The following MUC5AC variants were observed in gnomAD, a reference collection of about 807,000 sequenced individuals.
MUC5AC encodes mucin-5AC.
MUC5AC carries 158 observed loss-of-function variants against 169.7 expected under a neutral mutation model. The observed-to-expected ratio is 0.93, with a 90% CI of 0.82 to 1.06. The LOEUF (loss-of-function observed/expected upper bound fraction) is 1.06, where lower values mean the gene tolerates loss of function less well. Ranked by LOEUF, MUC5AC falls within the 50% of genes least tolerant of loss-of-function variation. The pLI, the probability that MUC5AC is intolerant of heterozygous loss-of-function variation, is 0.00. For synonymous variants in MUC5AC, 1,975 were observed against 1,237.0 expected (o/e 1.60, Z -12.52); for missense variants, 4,359 against 3,089.9 (o/e 1.41, Z -9.74).
intron 11 of MUC5AC, among the ~76,000 whole-genome samples, chr11:1,166,031 C>A (rs372548242): frequency 2.0e-5 from 3 of 152,166 alleles, no homozygotes; most frequent in Non-Finnish European, 4.4e-5. Flanking sequence ...ATTTAACAGA[C>A]TTTACTCTTG....
At position 1,194,286 on chromosome 11, in the gene MUC5AC, T is replaced by G. The variant is rs759720482; in HGVS notation, c.14932T>G (p.Ser4978Ala). The change falls in exon 34 of 49, where the codon TCC becomes GCC. Residue 4978 changes from serine (S) to alanine (A), a missense_variant. Physicochemically the swap from Ser to Ala is moderately conservative, Grantham distance 99. Coordinates refer to ENST00000621226, the MANE Select transcript of MUC5AC (RefSeq NM_001304359.2). ...GAEDGLSCPR[S>A]IILEYHQDRV... ...GGAGGACGGGCTCTCCTGCCCGAGG[T>G]CCATCATCCTGGAGTACCACCAGGA... 1.3e-6 allele frequency: 1 copy of G among 760,728 alleles called. No homozygotes were observed. Among genetic ancestry groups the G allele is most frequent in the South Asian group, 1.4e-5 (1 of 73,722 alleles). The allele number at this position is 760,728 out of a possible 1,614,324, so 47.1% of individuals were successfully genotyped here.
In MUC5AC at chr11:1,161,598, C is replaced by T. The variant is rs748167070; in HGVS notation, c.211+12C>T. ...CCCTGTGGTACGAGGTGAGTGGAGCCCGGAGGCCTGGGTGGGGAAGGGTCA... is the reference window on the plus strand; with the variant it reads ...CCCTGTGGTACGAGGTGAGTGGAGCTCGGAGGCCTGGGTGGGGAAGGGTCA... On this transcript the variant is annotated intron_variant, in intron 3 of 48. Transcript: ENST00000621226. The T allele has an allele frequency of 6.2e-7, 1 of 1,607,400 alleles. No individual in the cohort carries two copies. The highest frequency in any genetic ancestry group is 8.5e-7 in the Non-Finnish European group (1 of 1,176,610).
rs1363603142 is a variant in MUC5AC at position 1,189,909 on chromosome 11, G to A, written c.11764G>A (p.Val3922Ile). 8 of 764,922 alleles carry A rather than the reference G, an allele frequency of 1.0e-5. No homozygotes were observed. Among genetic ancestry groups the A allele is most frequent in the African/African-American group, 3.4e-5 (2 of 59,086 alleles). 47.4% of individuals were successfully genotyped at this position (764,922 alleles called of 1,614,324 possible). A position where few individuals can be genotyped will look rare whatever the true frequency, so the allele number is the denominator to read the frequency against. ...TSGSGTTPSP[V>I]PTTSTASVSK... ...CGGTTCTGGAACTACTCCCAGCCCC[G>A]TTCCCACCACCAGCACAGCCTCTGT... The change falls in exon 31 of 49, where the codon GTT (valine) becomes ATT (isoleucine). Residue 3922 changes from valine (V) to isoleucine (I), a missense_variant. Physicochemically the swap from Val to Ile is conservative, Grantham distance 29. Transcript: ENST00000621226.
In MUC5AC at chr11:1,183,673, C is replaced by A; in HGVS notation, c.5528C>A (p.Thr1843Asn). The change falls in exon 31 of 49, where the codon ACC becomes AAC. Residue 1843 changes from threonine (T) to asparagine (N), a missense_variant. Physicochemically the swap from Thr to Asn is moderately conservative, Grantham distance 65. Coordinates refer to ENST00000621226, the MANE Select transcript of MUC5AC (RefSeq NM_001304359.2). Reference protein sequence around the residue: ...NYEVRVLCCETPRGCHMTSTP... With the variant: ...NYEVRVLCCENPRGCHMTSTP... The stretch of plus-strand genomic sequence containing the variant: ...GAGGTGCGTGTGCTCTGCTGCGAGA[C>A]CCCCAGAGGCTGCCACATGACCTCC... The A allele has an allele frequency of 3.2e-6, 2 of 634,640 alleles. No homozygotes were observed. Among genetic ancestry groups the A allele is most frequent in the African/African-American group, 1.9e-5 (1 of 53,902 alleles). 39.3% of individuals were successfully genotyped at this position (634,640 alleles called of 1,614,324 possible).
chr11:1,175,607 C>T (rs1417999032), intron 19 of MUC5AC, among the ~76,000 whole-genome samples: 1 of 101,508 alleles, frequency 9.9e-6, no homozygotes, highest in Non-Finnish European at 2.1e-5. Flanking sequence ...GCATTCACAC[C>T]CTCATGCACA....
chr11:1,168,451 C>T, intron 12 of MUC5AC, 32 bp from the exon 13 acceptor site: 2 of 1,606,720 alleles, frequency 1.2e-6, no homozygotes, highest in Non-Finnish European at 1.7e-6. Context: ...CAAGCCTGCC[C>T]CGCGCTCACA....
intron 3 of MUC5AC, 134 bp from the exon 4 acceptor site, chr11:1,161,773 C>A: frequency 7.2e-7 from 1 of 1,381,710 alleles, no homozygotes; most frequent in East Asian, 2.5e-5. Context: ...AGGAAGGACC[C>A]CTGGGTGCCC....
Position 1,195,860 on chromosome 11 carries a change from C to T in MUC5AC, c.15459-16C>T. The T allele has an allele frequency of 1.3e-6, 1 of 760,470 alleles. No homozygotes were observed. Among genetic ancestry groups the T allele is most frequent in the Non-Finnish European group, 2.4e-6 (1 of 414,834 alleles). The allele number at this position is 760,470 out of a possible 1,614,324, so 47.1% of individuals were successfully genotyped here. A position where few individuals can be genotyped will look rare whatever the true frequency, so the allele number is the denominator to read the frequency against. On this transcript the variant is annotated splice_polypyrimidine_tract_variant and intron_variant, in intron 36 of 48. Transcript: ENST00000621226. ...CGGAGAGGCTGCACCCAGCACCCTG[C>T]CCATCCCTCCCACAGGGTCTTTGAG... is the stretch of plus-strand genomic sequence containing the variant.
At chr11:1,176,429 T>A (rs1165685251) in intron 20 of MUC5AC, 85 bp from the exon 21 acceptor site, 2 of 398,742 alleles carry the variant, frequency 5.0e-6, no homozygotes, top group African/African-American at 4.1e-5. Context: ...GTCCCTCCAC[T>A]GTGGTGTGGG....
rs1274402216 is a variant in MUC5AC at position 1,192,103 on chromosome 11, C to A, written c.13958C>A (p.Thr4653Asn). ...SPGPHGGDKE[T>N]YNNIIRSGEK... ...GGACCCCACGGCGGGGACAAGGAAACCTACAACAACATCATCAGGAGTGGG... is the reference window on the plus strand; with the variant it reads ...GGACCCCACGGCGGGGACAAGGAAAACTACAACAACATCATCAGGAGTGGG... Residue 4653 changes from threonine (T) to asparagine (N), a missense_variant, in exon 31 of 49, where the codon ACC becomes AAC. Coordinates refer to ENST00000621226, the MANE Select transcript of MUC5AC (RefSeq NM_001304359.2). 3.9e-6 allele frequency: 3 copies of A among 765,094 alleles called. No homozygotes were observed. The highest frequency in any genetic ancestry group is 2.4e-6 in the Non-Finnish European group (1 of 417,898). 47.4% of individuals were successfully genotyped at this position (765,094 alleles called of 1,614,324 possible).
At chr11:1,173,376 TTCAC>T (rs1290961627) in intron 16 of MUC5AC, among the ~76,000 whole-genome samples, 5 of 149,798 alleles carry the variant, frequency 3.3e-5, no homozygotes, top group East Asian at 2.0e-4. Context: ...CATTCATTCC[TTCAC>T]TCACTCATTC....
At position 1,189,973 on chromosome 11, in the gene MUC5AC, C is replaced by A. The variant is rs1204498145; in HGVS notation, c.11828C>A (p.Thr3943Lys). The change falls in exon 31 of 49, where the codon ACA becomes AAA. Residue 3943 changes from threonine (T) to lysine (K), a missense_variant. Transcript: ENST00000621226. ...ACAAGCCATGTTTCTGTATCCAAGA[C>A]AACCCACTCCCAACCAGTCACCAGA... ...TSTSHVSVSK[T>K]THSQPVTRDC... is the part of the protein sequence containing the mutation. 5 of 765,058 alleles carry A rather than the reference C, an allele frequency of 6.5e-6. No individual in the cohort carries two copies. Among genetic ancestry groups the A allele is most frequent in the Non-Finnish European group, 1.2e-5 (5 of 417,900 alleles). 47.4% of individuals were successfully genotyped at this position (765,058 alleles called of 1,614,324 possible).
In MUC5AC at chr11:1,189,477, G is replaced by A. The variant is rs1861032542; in HGVS notation, c.11332G>A (p.Ala3778Thr). 1.8e-6 allele frequency: 1 copy of A among 557,708 alleles called. No homozygotes were observed. The highest frequency in any genetic ancestry group is 3.2e-6 in the Non-Finnish European group (1 of 317,148). The allele number at this position is 557,708 out of a possible 1,614,324, so 34.5% of individuals were successfully genotyped here. A position where few individuals can be genotyped will look rare whatever the true frequency, so the allele number is the denominator to read the frequency against. Residue 3778 changes from alanine to threonine, a missense_variant, in exon 31 of 49, where the codon GCC becomes ACC. Ala to Thr is a moderately conservative substitution (Grantham distance 58, BLOSUM62 0). Transcript: ENST00000621226. ...SSAPTTNTTS[A>T]PTTSTTSAPI... ...GGCTCCTACAACCAACACAACCTCT[G>A]CCCCTACAACTAGCACTACCTCTGC...
chr11:1,170,410 TACTCACCC>T (rs1311467069), intron 15 of MUC5AC, among the ~76,000 whole-genome samples: 1 of 44,676 alleles, frequency 2.2e-5, no homozygotes, highest in Non-Finnish European at 4.4e-5. Flanking sequence ...CCCACTCACC[TACTCACCC>T]ACTCACCCAT....
Position 1,192,954 on chromosome 11 carries a change from G to A in MUC5AC, c.14552G>A (p.Gly4851Glu). 2.7e-6 allele frequency: 2 copies of A among 740,492 alleles called. No homozygotes were observed. The highest frequency in any genetic ancestry group is 4.9e-6 in the Non-Finnish European group (2 of 404,112). 45.9% of individuals were successfully genotyped at this position (740,492 alleles called of 1,614,324 possible). A position where few individuals can be genotyped will look rare whatever the true frequency, so the allele number is the denominator to read the frequency against. Residue 4851 changes from glycine to glutamate, a missense_variant, in exon 32 of 49, where the codon GGA becomes GAA. By Grantham distance (98) the Gly-to-Glu change is moderately conservative. Coordinates refer to ENST00000621226, the MANE Select transcript of MUC5AC (RefSeq NM_001304359.2). ...ISTSEPVTEL[G>E]CPNAVPPRKK... ...ACCTCCGAGCCCGTCACTGAGCTGG[G>A]ATGCCCAAATGCGGTTCCCCCCAGA...
Position 1,164,525 on chromosome 11 carries a change from C to T in MUC5AC, c.1122C>T (p.Cys374=). The T allele has an allele frequency of 1.9e-6, 3 of 1,609,418 alleles. No homozygotes were observed. The South Asian group carries it at 3.3e-5, about 18-fold the overall frequency. ...CEDHCVAGCF[C]PEGTVLDDIG... Reference sequence around the variant, plus strand: ...ACCACTGTGTGGCCGGCTGCTTCTGCCCTGAGGGTGAGGCTCCCCCGCCCC... The same window carrying T: ...ACCACTGTGTGGCCGGCTGCTTCTGTCCTGAGGGTGAGGCTCCCCCGCCCC... Residue 374 remains cysteine, a synonymous_variant, in exon 9 of 49, where the codon TGC becomes TGT. Transcript: ENST00000621226.
chr11:1,163,853 G>A, intron 6 of MUC5AC, 29 bp from the exon 7 acceptor site: 1 of 1,546,830 alleles, frequency 6.5e-7, no homozygotes, highest in South Asian at 1.2e-5. Context: ...GGGACCTGCA[G>A]GCAGAGCCCG....
At position 1,168,662 on chromosome 11, in the gene MUC5AC, CCCT is replaced by C; in HGVS notation, c.1590_1592del (p.Ser531del). ...CCCAGCCAACGTCACCATCTTCAGA[CCCT>C]CAACCTTCTTCATCATCGCCCAGAC... On this transcript the variant is annotated inframe_deletion, in exon 14 of 49. Transcript: ENST00000621226. The C allele has an allele frequency of 6.2e-7, 1 of 1,610,702 alleles. No homozygotes were observed. The highest frequency in any genetic ancestry group is 8.5e-7 in the Non-Finnish European group (1 of 1,178,046).
intron 40 of MUC5AC, 50 bp from the exon 41 acceptor site, chr11:1,197,418 C>T: frequency 1.4e-6 from 1 of 695,744 alleles, no homozygotes; most frequent in Non-Finnish European, 2.6e-6. Flanking sequence ...GCTGCTGCAC[C>T]CCTGGGTGGA....
Sources: gnomAD v4.1 joint callset for allele counts (sites outside exome capture counted in the v4.1 genomes callset) on GRCh38, gnomAD v4.1.1 for gene constraint, MANE v1.5 for transcripts, NCBI Gene and HGNC (gene_info 2026-07-23, HGNC 2026-07-21) for gene names.